TENM3: variants seen among roughly 807,000 people sequenced by gnomAD.
TENM3 encodes the protein teneurin transmembrane protein 3.
A neutral mutation model predicts 255.1 loss-of-function variants in TENM3; 63 were observed. The ratio of observed to expected loss-of-function variants is 0.25; its 90% CI spans 0.20 to 0.30. The LOEUF (loss-of-function observed/expected upper bound fraction) is 0.30, where lower values mean the gene tolerates loss of function less well. TENM3 is among the 10% of genes least tolerant of loss of function. The pLI is 1.00. For synonymous variants in TENM3, 1,306 were observed against 1,322.3 expected (o/e 0.99, Z 0.27); for missense variants, 2,929 against 3,461.1 (o/e 0.85, Z 3.86).
chr4:182,357,842 T>G (rs920373691), intron 3 of TENM3, among the ~76,000 whole-genome samples: 60 of 152,042 alleles, frequency 3.9e-4, no homozygotes, highest in African/African-American at 1.3e-3. Flanking sequence ...AGGGTTTTTA[T>G]GGTTTTAAGT....
intron 3 of TENM3, among the ~76,000 whole-genome samples, chr4:182,373,169 C>T (rs6552562): frequency 1 from 151,813 of 152,330 alleles, 75,649 homozygotes; most frequent in Middle Eastern, 1. Context: ...CATTGCTTTG[C>T]AGAGAAGAAG....
At chr4:182,318,843 C>T (rs955076695) in intron 1 of TENM3, among the ~76,000 whole-genome samples, 8 of 152,190 alleles carry the variant, frequency 5.3e-5, no homozygotes, top group African/African-American at 1.2e-4. Context: ...TCATGGCTCG[C>T]TCTGTCCTTG....
At chr4:182,465,175 AAAAT>A (rs1732467137) in intron 3 of TENM3, among the ~76,000 whole-genome samples, 1 of 152,230 alleles carries the variant, frequency 6.6e-6, no homozygotes, top group South Asian at 2.1e-4. Flanking sequence ...TGAGCACAGT[AAAAT>A]AAATATTTGC....
chr4:182,501,961 A>G (rs1736361455), intron 3 of TENM3, among the ~76,000 whole-genome samples: 1 of 152,194 alleles, frequency 6.6e-6, no homozygotes, highest in Non-Finnish European at 1.5e-5. Flanking sequence ...TATCTAAAGT[A>G]AACTTTTTTT....
At chr4:182,743,553 C>CA (rs760194158) in intron 19 of TENM3, 134 bp downstream of exon 19, 84 of 973,728 alleles carry the variant, frequency 8.6e-5, no homozygotes, top group Non-Finnish European at 1.2e-4. Flanking sequence ...AGAAAGAAGT[C>CA]AAATTCTTGC....
chr4:182,228,358 A>ATGTAATGTGTGTG (rs1554035080), intron 1 of TENM3, among the ~76,000 whole-genome samples: 3 of 109,014 alleles, frequency 2.8e-5, no homozygotes, highest in African/African-American at 1.1e-4. Context: ...ATGTAATGTA[A>ATGTAATGTGTGTG]TGTGTGTGTG....
At position 182,359,273 on chromosome 4, in the gene TENM3, C is replaced by G. The variant is rs559993497; in HGVS notation, c.511+12344C>G. Among the ~76,000 whole-genome samples the G allele has an allele frequency of 2.5e-3, 378 of 152,192 alleles. 1 individual carries two copies. Among genetic ancestry groups the G allele is most frequent in the African/African-American group, 8.7e-3 (362 of 41,510 alleles). On this transcript the variant is annotated intron_variant, in intron 3 of 27. Transcript: ENST00000511685. ...AGGATTCTCTCTTTTTCTATTGATT[C>G]GAATAGTTTCAGAAGGAATGGTACC...
At chr4:182,131,825 G>C in the TENM3 span, among the ~76,000 whole-genome samples, 6 of 152,244 alleles carry the variant, frequency 3.9e-5, no homozygotes, top group Admixed American at 1.3e-4. Flanking sequence ...CACTCCCTAA[G>C]GTGTTCTAGT....
intron 4 of TENM3, among the ~76,000 whole-genome samples, chr4:182,624,213 AG>A (rs1750601882): frequency 6.6e-6 from 1 of 152,178 alleles, no homozygotes; most frequent in Non-Finnish European, 1.5e-5. Flanking sequence ...TTCTAGTCTA[AG>A]GGGAATCTTT....
At chr4:182,309,357 T>G (rs1762311771) in intron 1 of TENM3, among the ~76,000 whole-genome samples, 1 of 152,170 alleles carries the variant, frequency 6.6e-6, no homozygotes, top group South Asian at 2.1e-4. Flanking sequence ...ATATGTTTAT[T>G]ATAGTAATTT....
At chr4:181,589,404 T>G in the TENM3 span, among the ~76,000 whole-genome samples, 1 of 152,346 alleles carries the variant, frequency 6.6e-6, no homozygotes, top group East Asian at 1.9e-4. Context: ...ATATTTGGTT[T>G]CTTTAGGGAG....
chr4:181,869,458 C>A, the TENM3 span, among the ~76,000 whole-genome samples: 1 of 151,976 alleles, frequency 6.6e-6, no homozygotes, highest in Non-Finnish European at 1.5e-5. Flanking sequence ...TGTTATAAAG[C>A]AGTTAGTGAG....
At chr4:182,261,006 G>T (rs1356356712) in intron 1 of TENM3, among the ~76,000 whole-genome samples, 1 of 152,042 alleles carries the variant, frequency 6.6e-6, no homozygotes, top group African/African-American at 2.4e-5. Context: ...CTCCTGAGTA[G>T]CTGGGACTAC....
the TENM3 span, among the ~76,000 whole-genome samples, chr4:181,719,957 GTTT>G: frequency 6.6e-6 from 1 of 152,194 alleles, no homozygotes; most frequent in Admixed American, 6.5e-5. Context: ...CTGCATGCAT[GTTT>G]CATTTGTTTT....
the TENM3 span, among the ~76,000 whole-genome samples, chr4:181,760,157 T>G: frequency 1.1e-4 from 17 of 152,028 alleles, no homozygotes; most frequent in Non-Finnish European, 2.5e-4. Context: ...CATAAGCCAG[T>G]TAAACTAAAA....
chr4:181,927,016 A>G, the TENM3 span, among the ~76,000 whole-genome samples: 3 of 152,238 alleles, frequency 2.0e-5, no homozygotes, highest in South Asian at 4.1e-4. Flanking sequence ...TTCGCAACCC[A>G]CAGACCAGGA....
chr4:182,308,321 G>T (rs894287812), intron 1 of TENM3, among the ~76,000 whole-genome samples: 17 of 147,060 alleles, frequency 1.2e-4, no homozygotes, highest in South Asian at 2.2e-4. Context: ...CACATATTTG[G>T]TTTTTTTTTT....
intron 3 of TENM3, among the ~76,000 whole-genome samples, chr4:182,434,129 AG>A (rs760295558): frequency 0.021 from 3,095 of 145,940 alleles, 34 homozygotes; most frequent in Non-Finnish European, 0.028. Context: ...AAAAAAAAAA[AG>A]GTAGAGTAGT....
the TENM3 span, among the ~76,000 whole-genome samples, chr4:181,486,063 T>C: frequency 6.6e-6 from 1 of 152,228 alleles, no homozygotes; most frequent in South Asian, 2.1e-4. Context: ...TAAGACTTTA[T>C]TTTGTGAAAA....
Sources: gnomAD v4.1 joint callset for allele counts (sites outside exome capture counted in the v4.1 genomes callset) on GRCh38, gnomAD v4.1.1 for gene constraint, MANE v1.5 for transcripts, NCBI Gene and HGNC (gene_info 2026-07-23, HGNC 2026-07-21) for gene names.